The following ZNF385C variants were observed in gnomAD, a reference collection of about 807,000 sequenced individuals.
ZNF385C encodes the protein zinc finger protein 385C.
ZNF385C carries 28 observed loss-of-function variants against 35.4 expected under a neutral mutation model. That is an observed-to-expected ratio of 0.79 (90% CI 0.59 to 1.08). The LOEUF is 1.08. Ranked by LOEUF, ZNF385C falls within the 50% of genes least tolerant of loss-of-function variation. The pLI is 0.00. For synonymous variants in ZNF385C, 248 were observed against 248.2 expected, an observed-to-expected ratio of 1.00 and a Z score of 0.01; for missense variants, 605 against 595.6, an observed-to-expected ratio of 1.02 and a Z score of -0.16.
At chr17:42,067,942 C>T (rs1244717296) in intron 1 of ZNF385C, among the ~76,000 whole-genome samples, 3 of 152,172 alleles carry the variant, frequency 2.0e-5, no homozygotes, top group East Asian at 1.9e-4. Flanking sequence ...CCGGGGACAT[C>T]GCCCAAGAGA....
intron 1 of ZNF385C, among the ~76,000 whole-genome samples, chr17:42,085,239 C>G (rs1245130831): frequency 6.6e-6 from 1 of 152,034 alleles, no homozygotes; most frequent in Non-Finnish European, 1.5e-5. Context: ...CAAGATCAGC[C>G]TGGGCAACAT....
intron 2 of ZNF385C, among the ~76,000 whole-genome samples, chr17:42,044,140 T>TAAAA (rs35206698): frequency 9.6e-5 from 8 of 83,588 alleles, no homozygotes; most frequent in Admixed American, 1.6e-4. Context: ...ACCCCATCTC[T>TAAAA]AAAAAAAAAA....
intron 2 of ZNF385C, among the ~76,000 whole-genome samples, chr17:42,056,983 A>T (rs2143807716): frequency 6.6e-6 from 1 of 152,268 alleles, no homozygotes; most frequent in African/African-American, 2.4e-5. Flanking sequence ...AAATAAAAAA[A>T]AATTTAGCCA....
chr17:42,062,649 G>A, intron 2 of ZNF385C, 158 bp downstream of exon 2: 1 of 403,890 alleles, frequency 2.5e-6, no homozygotes, highest in Non-Finnish European at 4.4e-6. Context: ...AAACTTGCTG[G>A]CATCGGGGAG....
chr17:42,031,912 T>C, intron 4 of ZNF385C, 128 bp from the exon 5 acceptor site: 3 of 1,033,580 alleles, frequency 2.9e-6, no homozygotes, highest in Non-Finnish European at 4.1e-6. Flanking sequence ...GGCAAGTCCT[T>C]GTCCTTGTCA....
intron 1 of ZNF385C, among the ~76,000 whole-genome samples, chr17:42,072,304 C>T (rs1225838668): frequency 3.9e-5 from 6 of 152,098 alleles, no homozygotes; most frequent in African/African-American, 1.4e-4. Flanking sequence ...CCTGTACTCC[C>T]TCTCTCCCCC....
chr17:42,047,500 G>A (rs2143722943), intron 2 of ZNF385C, among the ~76,000 whole-genome samples: 1 of 152,028 alleles, frequency 6.6e-6, no homozygotes, highest in South Asian at 2.1e-4. Context: ...TGCAGTAACT[G>A]TCTTGTCCAC....
chr17:42,037,624 G>A (rs2052889322), intron 3 of ZNF385C, 113 bp downstream of exon 3: 1 of 1,313,000 alleles, frequency 7.6e-7, no homozygotes, highest in Non-Finnish European at 1.0e-6. Flanking sequence ...GGGGATGTTG[G>A]AGAAAAAGCT....
intron 1 of ZNF385C, among the ~76,000 whole-genome samples, chr17:42,090,096 C>T (rs532404721): frequency 6.6e-6 from 1 of 152,198 alleles, no homozygotes; most frequent in African/African-American, 2.4e-5. Flanking sequence ...TGGAGCACAG[C>T]GAGTTTCCCC....
intron 2 of ZNF385C, 150 bp from the exon 3 acceptor site, chr17:42,038,035 T>C (rs782013327): frequency 2.0e-5 from 30 of 1,535,796 alleles, no homozygotes; most frequent in East Asian, 1.7e-4. Context: ...ATAGTGATTA[T>C]AGCCCCCTTC....
chr17:42,072,949 CCT>C (rs1441757506), intron 1 of ZNF385C, among the ~76,000 whole-genome samples: 5 of 152,258 alleles, frequency 3.3e-5, no homozygotes, highest in East Asian at 1.9e-4. Flanking sequence ...TCCCCCACCC[CCT>C]GTCAGCACCA....
chr17:42,027,543 C>T (rs782282939), intron 8 of ZNF385C, 75 bp downstream of exon 8: 34 of 1,003,684 alleles, frequency 3.4e-5, no homozygotes, highest in Non-Finnish European at 4.7e-5. Flanking sequence ...CCACCGCAGC[C>T]CCCCCATCTG....
At chr17:42,081,243 C>G (rs1555659690) in intron 1 of ZNF385C, among the ~76,000 whole-genome samples, 11 of 152,096 alleles carry the variant, frequency 7.2e-5, no homozygotes. Flanking sequence ...TGCAGAAGAC[C>G]AGCACTCAGG....
At chr17:42,029,429 A>G (rs538002898) in intron 5 of ZNF385C, among the ~76,000 whole-genome samples, 5 of 152,316 alleles carry the variant, frequency 3.3e-5, no homozygotes, top group East Asian at 3.9e-4. Context: ...TTAAAAAACA[A>G]TGGTGCGGGC....
At chr17:42,064,118 A>ACACACACT (rs1491216367) in intron 1 of ZNF385C, among the ~76,000 whole-genome samples, 4 of 135,442 alleles carry the variant, frequency 3.0e-5, no homozygotes, top group African/African-American at 1.1e-4. Context: ...ACACACACAC[A>ACACACACT]CTTTCTGTCT....
chr17:42,060,007 C>A (rs1259607457), intron 2 of ZNF385C, among the ~76,000 whole-genome samples: 2 of 152,200 alleles, frequency 1.3e-5, no homozygotes, highest in Non-Finnish European at 2.9e-5. Flanking sequence ...GCTTTTACCA[C>A]AGGGACCGTT....
chr17:42,031,697 T>C lies in ZNF385C; in HGVS notation c.598A>G (p.Thr200Ala). The C allele has an allele frequency of 6.4e-7, 1 of 1,550,716 alleles. No homozygotes were observed. ...ACTACAGCCCCATCCTGGGCCTGGG[T>C]GTGTGGCCTCTGCTTGCTCTTGGCA... Reference protein sequence around the residue: ...EAAKSKQRPHTQAQDGAVVSP... With the variant: ...EAAKSKQRPHAQAQDGAVVSP... The change falls in exon 5 of 9, where the codon ACC becomes GCC. Residue 200 changes from threonine (T) to alanine (A), a missense_variant. By Grantham distance (58) the Thr-to-Ala change is moderately conservative. Coordinates refer to ENST00000692273, the MANE Select transcript of ZNF385C (RefSeq NM_001392013.1).
At chr17:42,042,064 A>G (rs1555656176) in intron 2 of ZNF385C, among the ~76,000 whole-genome samples, 1 of 152,218 alleles carries the variant, frequency 6.6e-6, no homozygotes, top group African/African-American at 2.4e-5. Context: ...AAACAGGCTC[A>G]GCACAGAAAA....
At chr17:42,044,810 T>C (rs1203572757) in intron 2 of ZNF385C, among the ~76,000 whole-genome samples, 1 of 152,092 alleles carries the variant, frequency 6.6e-6, no homozygotes, top group Non-Finnish European at 1.5e-5. Flanking sequence ...AGCTAGCCAG[T>C]TGCCTCTACC....
Sources: allele counts gnomAD v4.1 joint callset (sites outside exome capture counted in the v4.1 genomes callset), GRCh38; gene constraint gnomAD v4.1.1; transcripts MANE v1.5; gene names NCBI Gene and HGNC (gene_info 2026-07-23, HGNC 2026-07-21).